Variants in TRMO observed in about 807,000 individuals in gnomAD.
TRMO encodes tRNA (adenine(37)-N6)-methyltransferase.
Under a neutral mutation model 37.2 loss-of-function variants are expected in TRMO, and 30 were observed. The observed-to-expected ratio is 0.81, with a 90% CI of 0.60 to 1.09. TRMO has a LOEUF of 1.09. Among genes scored for constraint, TRMO ranks in the 50% least tolerant of loss-of-function variants. The probability of loss-of-function intolerance (pLI) is 0.00; values close to 1 mark genes in which losing one functional copy is unlikely to be tolerated. For missense variants in TRMO, 552 were observed against 549.5 expected, an observed-to-expected ratio of 1.00 and a Z score of -0.05; for synonymous variants, 239 against 199.4, an observed-to-expected ratio of 1.20 and a Z score of -1.67.
At chr9:97,907,931 T>C (rs1825926079) in intron 4 of TRMO, among the ~76,000 whole-genome samples, 1 of 152,104 alleles carries the variant, frequency 6.6e-6, no homozygotes, top group South Asian at 2.1e-4. Context: ...CTTCACCTCT[T>C]TGACCTTTGC....
Position 97,922,469 on chromosome 9 carries a change from G to GCCCCGACTCCTCCAAGC in TRMO, c.8_24dup (p.Pro9AlafsTer27), listed in dbSNP as rs1564116509. On this transcript the variant is annotated frameshift_variant, in exon 1 of 5. Transcript: ENST00000375119. LOFTEE classifies it high-confidence loss of function. ...CCGCACGGGGTCGCTGTAGGCCGAG[G>GCCCCGACTCCTCCAAGC]CCCCGACTCCTCCAAGCCGCGCATG... is the stretch of plus-strand genomic sequence containing the variant. The GCCCCGACTCCTCCAAGC allele has an allele frequency of 1.3e-6, 2 of 1,586,382 alleles. No individual in the cohort carries two copies. The highest frequency in any genetic ancestry group is 3.6e-5 in the Admixed American group (2 of 55,488).
downstream of TRMO, among the ~76,000 whole-genome samples, chr9:97,902,775 GAAA>G (rs1825709896): frequency 6.6e-6 from 1 of 152,088 alleles, no homozygotes; most frequent in South Asian, 2.1e-4. Context: ...CTTTTCAAAA[GAAA>G]AAACAACAAA....
chr9:97,920,551 T>C (rs543117754), intron 1 of TRMO, among the ~76,000 whole-genome samples: 19 of 152,294 alleles, frequency 1.2e-4, no homozygotes, highest in Admixed American at 2.0e-4. Context: ...TCCAATAAAA[T>C]AGAAGGTGCC....
intron 1 of TRMO, among the ~76,000 whole-genome samples, chr9:97,916,695 GTATT>G (rs774694007): frequency 1.1e-4 from 16 of 147,076 alleles, no homozygotes; most frequent in East Asian, 9.8e-4. Context: ...GGCTATGAGC[GTATT>G]TCTTTCTTTT....
downstream of TRMO, among the ~76,000 whole-genome samples, chr9:97,901,186 C>T (rs1831161464): frequency 6.6e-6 from 1 of 152,188 alleles, no homozygotes; most frequent in Admixed American, 6.5e-5. Flanking sequence ...CAAGGGCTCC[C>T]CCTACAGGCA....
chr9:97,908,075 T>A (rs2062113049), intron 4 of TRMO, among the ~76,000 whole-genome samples: 2 of 148,094 alleles, frequency 1.4e-5, no homozygotes, highest in South Asian at 2.2e-4. Context: ...CCCCCAAGAG[T>A]TCAAGACAAG....
In TRMO at chr9:97,910,241, T is replaced by G. The variant is rs146891219; in HGVS notation, c.785A>C (p.Gln262Pro). Residue 262 changes from glutamine (Q) to proline (P), a missense_variant, in exon 4 of 5, where the codon CAG (glutamine) becomes CCG (proline). By Grantham distance (76) the Gln-to-Pro change is moderately conservative. Transcript: ENST00000375119. Reference protein sequence around the residue: ...VDFGLESRRDQSSSVAEEQIG... With the variant: ...VDFGLESRRDPSSSVAEEQIG... ...TTGTTCTTCTGCCACGCTGGAACTCTGATCACGTCTTGATTCCAAACCAAA... is the reference window on the plus strand; with the variant it reads ...TTGTTCTTCTGCCACGCTGGAACTCGGATCACGTCTTGATTCCAAACCAAA... 1.0e-4 allele frequency: 163 copies of G among 1,614,144 alleles called. No homozygotes were observed. Among genetic ancestry groups the G allele is most frequent in the Non-Finnish European group, 1.3e-4 (158 of 1,180,048 alleles).
At chr9:97,912,738 C>G in intron 3 of TRMO, 1 of 366,696 alleles carries the variant, frequency 2.7e-6, no homozygotes, top group South Asian at 2.0e-5. Flanking sequence ...TCTCTTGACT[C>G]CTAGTTTACC....
At chr9:97,903,148 G>C (rs1222600769), downstream of TRMO, among the ~76,000 whole-genome samples, 2 of 151,940 alleles carry the variant, frequency 1.3e-5, no homozygotes, top group African/African-American at 4.8e-5. Context: ...TGAGCCTGTA[G>C]ACCCAGCTAC....
chr9:97,912,656 T>C lies in TRMO; in HGVS notation c.409+745A>G, dbSNP rs142194644. Reference sequence around the variant, plus strand: ...CTCTTACAAGATTCTCAAAATATTCTGTGGAATCACAGAGGAAGCAGGTCC... The same window carrying C: ...CTCTTACAAGATTCTCAAAATATTCCGTGGAATCACAGAGGAAGCAGGTCC... On this transcript the variant is annotated intron_variant, in intron 3 of 4. Coordinates refer to ENST00000375119, the MANE Select transcript of TRMO (RefSeq NM_016481.5). 1.6e-4 allele frequency: 47 copies of C among 299,840 alleles called. No homozygotes were observed. The East Asian group carries it at 4.0e-3, about 26-fold the overall frequency. 18.6% of individuals were successfully genotyped at this position (299,840 alleles called of 1,614,324 possible). A position where few individuals can be genotyped will look rare whatever the true frequency, so the allele number is the denominator to read the frequency against.
At chr9:97,903,366 A>G (rs188535457), downstream of TRMO, among the ~76,000 whole-genome samples, 8 of 152,382 alleles carry the variant, frequency 5.2e-5, no homozygotes, top group East Asian at 1.3e-3. Flanking sequence ...GTTTAGGAGT[A>G]CAGTGTCATC....
intron 4 of TRMO, among the ~76,000 whole-genome samples, chr9:97,907,141 A>G (rs1825888788): frequency 6.6e-6 from 1 of 152,234 alleles, no homozygotes; most frequent in Non-Finnish European, 1.5e-5. Flanking sequence ...CACAACCCTC[A>G]AGTGGCATCA....
the TRMO span, among the ~76,000 whole-genome samples, chr9:97,898,577 A>G: frequency 6.6e-6 from 1 of 151,840 alleles, no homozygotes; most frequent in African/African-American, 2.4e-5. Context: ...TGTTTTAGAG[A>G]CGGGCTTTTC....
At position 97,917,103 on chromosome 9, in the gene TRMO, TC is replaced by T. The variant is rs773097735; in HGVS notation, c.77-766del. On this transcript the variant is annotated intron_variant, in intron 1 of 4. Coordinates refer to ENST00000375119, the MANE Select transcript of TRMO (RefSeq NM_016481.5). Reference sequence around the variant, plus strand: ...ATAGTGCTTGGCCTATGAGGGTATTTCTAATAGAGGAGAGAGTGTACACAAA... The same window carrying T: ...ATAGTGCTTGGCCTATGAGGGTATTTTAATAGAGGAGAGAGTGTACACAAA... 1.4e-3 allele frequency among the ~76,000 whole-genome samples: 218 copies of T among 152,254 alleles called. 1 individual carries two copies. Among genetic ancestry groups the T allele is most frequent in the Non-Finnish European group, 2.7e-3 (183 of 68,012 alleles).
intron 1 of TRMO, among the ~76,000 whole-genome samples, chr9:97,917,524 C>G (rs1177866059): frequency 6.6e-6 from 1 of 152,064 alleles, no homozygotes; most frequent in African/African-American, 2.4e-5. Flanking sequence ...TATGTCTAAA[C>G]TGATTAATGT....
At chr9:97,910,743 C>A in intron 3 of TRMO, 127 bp from the exon 4 acceptor site, 7 of 1,080,926 alleles carry the variant, frequency 6.5e-6, no homozygotes, top group African/African-American at 1.6e-5. Context: ...CTCACACAGA[C>A]CTAGTACCAA....
In TRMO at chr9:97,916,295, G is replaced by A. The variant is rs201263313; in HGVS notation, c.120C>T (p.Phe40=). Residue 40 remains phenylalanine, a synonymous_variant, in exon 2 of 5, where the codon TTC becomes TTT. Transcript: ENST00000375119. Reference sequence around the variant, plus strand: ...GTCTTGGAGTACCATTCTTGGCCGAGAAACAAGATTCCAAGTAGCCGACTG... The same window carrying A: ...GTCTTGGAGTACCATTCTTGGCCGAAAAACAAGATTCCAAGTAGCCGACTG... The part of the protein sequence containing the change: ...TEPVGYLESC[F]SAKNGTPRQP... The A allele has an allele frequency of 1.3e-4, 206 of 1,613,296 alleles. 1 individual carries two copies. In the Admixed American group the frequency reaches 3.4e-3, roughly 27 times the overall value.
chr9:97,899,737 C>A (rs1002916325), downstream of TRMO, among the ~76,000 whole-genome samples: 1 of 151,842 alleles, frequency 6.6e-6, no homozygotes, highest in Non-Finnish European at 1.5e-5. Context: ...AATACAAAAA[C>A]TACAAAAACT....
In TRMO at chr9:97,904,699, A is replaced by G. The variant is rs1426159249; in HGVS notation, c.*34T>C. On this transcript the variant is annotated 3_prime_UTR_variant, in exon 5 of 5. Transcript: ENST00000375119. ...AATCCAAAAGCCACATCCAAAGATC[A>G]ATGATGCTACCTTAAAGACATGAGG... 3 of 1,603,368 alleles carry G rather than the reference A, an allele frequency of 1.9e-6. No individual in the cohort carries two copies. The highest frequency in any genetic ancestry group is 2.6e-6 in the Non-Finnish European group (3 of 1,174,586).
Sources: allele counts gnomAD v4.1 joint callset (sites outside exome capture counted in the v4.1 genomes callset), GRCh38; gene constraint gnomAD v4.1.1; transcripts MANE v1.5; gene names NCBI Gene and HGNC (gene_info 2026-07-23, HGNC 2026-07-21).